RAB35: variants seen among roughly 807,000 people sequenced by gnomAD.
The protein encoded by RAB35 is RAB35, member RAS oncogene family.
RAB35 carries 4 observed loss-of-function variants against 28.9 expected under a neutral mutation model. The ratio of observed to expected loss-of-function variants is 0.14; its 90% CI spans 0.07 to 0.32. The LOEUF (loss-of-function observed/expected upper bound fraction) is 0.32, where lower values mean the gene tolerates loss of function less well. Among genes scored for constraint, RAB35 ranks in the 10% least tolerant of loss-of-function variants. The pLI is 1.00. For missense variants in RAB35, 128 were observed against 274.0 expected (o/e 0.47, Z 3.76); for synonymous variants, 99 against 105.1 (o/e 0.94, Z 0.35).
At chr12:120,105,711 CAG>C (rs1490435847) in intron 2 of RAB35, among the ~76,000 whole-genome samples, 1 of 151,958 alleles carries the variant, frequency 6.6e-6, no homozygotes, top group Non-Finnish European at 1.5e-5. Context: ...ATCACGAGGT[CAG>C]GAGATCAAGA....
intron 3 of RAB35, among the ~76,000 whole-genome samples, chr12:120,101,790 C>T (rs1875670349): frequency 6.6e-6 from 1 of 152,206 alleles, no homozygotes; most frequent in African/African-American, 2.4e-5. Flanking sequence ...CTTCCCAAGC[C>T]CCTGGGGAAA....
At chr12:120,109,282 C>T (rs1331942805) in intron 1 of RAB35, among the ~76,000 whole-genome samples, 4 of 152,004 alleles carry the variant, frequency 2.6e-5, no homozygotes, top group Admixed American at 6.6e-5. Context: ...GGAGAAACCC[C>T]GTCTCTACTA....
chr12:120,107,454 G>A (rs1473323715), intron 2 of RAB35, among the ~76,000 whole-genome samples: 1 of 152,200 alleles, frequency 6.6e-6, no homozygotes, highest in Non-Finnish European at 1.5e-5. Context: ...CCACCCTTCA[G>A]TGGGACTGGA....
Position 120,096,064 on chromosome 12 carries a change from C to A in RAB35, c.*1181G>T. 1 of 184,524 alleles carries A rather than the reference C, an allele frequency of 5.4e-6. No homozygotes were observed. Among genetic ancestry groups the A allele is most frequent in the South Asian group, 1.1e-4 (1 of 9,356 alleles). The allele number at this position is 184,524 out of a possible 1,614,324, so 11.4% of individuals were successfully genotyped here. On this transcript the variant is annotated 3_prime_UTR_variant, in exon 6 of 6. Transcript: ENST00000229340. Reference sequence around the variant, plus strand: ...ATTCCTTCCCACCCGCCAGGAAATCCTCTTGCTACCTTTGTCCTGACAAAG... The same window carrying A: ...ATTCCTTCCCACCCGCCAGGAAATCATCTTGCTACCTTTGTCCTGACAAAG...
At position 120,096,829 on chromosome 12, in the gene RAB35, C is replaced by T. The variant is rs1208338051; in HGVS notation, c.*416G>A. 1.5e-6 allele frequency: 2 copies of T among 1,294,762 alleles called. No individual in the cohort carries two copies. Among genetic ancestry groups the T allele is most frequent in the Admixed American group, 2.3e-5 (1 of 43,702 alleles). The allele number at this position is 1,294,762 out of a possible 1,614,324, so 80.2% of individuals were successfully genotyped here. ...CAGCTAGAACGTGCCGCTGTCTCCT[C>T]AGGACGCTGCTTGCAGTAAGATGGG... On this transcript the variant is annotated 3_prime_UTR_variant, in exon 6 of 6. Transcript: ENST00000229340.
intron 3 of RAB35, among the ~76,000 whole-genome samples, chr12:120,102,487 G>A (rs968415266): frequency 6.6e-6 from 1 of 152,150 alleles, no homozygotes; most frequent in African/African-American, 2.4e-5. Context: ...CACCACACCA[G>A]GGCGACCCCG....
intron 3 of RAB35, among the ~76,000 whole-genome samples, chr12:120,102,223 C>G (rs1199646871): frequency 1.3e-5 from 2 of 152,206 alleles, no homozygotes; most frequent in East Asian, 3.9e-4. Flanking sequence ...ACAGGTCTCT[C>G]TACCGGGATT....
At chr12:120,102,300 C>T (rs1425081065) in intron 3 of RAB35, among the ~76,000 whole-genome samples, 2 of 152,228 alleles carry the variant, frequency 1.3e-5, no homozygotes, top group Admixed American at 6.5e-5. Context: ...ATGAGGTCAG[C>T]GCCCAGACCA....
chr12:120,116,044 G>A (rs966576176), intron 1 of RAB35, among the ~76,000 whole-genome samples: 1 of 152,194 alleles, frequency 6.6e-6, no homozygotes, highest in East Asian at 1.9e-4. Context: ...GCAATCCCAT[G>A]AGGCAGGTTC....
chr12:120,101,228 A>C (rs1259453479), intron 3 of RAB35, among the ~76,000 whole-genome samples: 1 of 152,126 alleles, frequency 6.6e-6, no homozygotes, highest in African/African-American at 2.4e-5. Context: ...CTTGGTATCC[A>C]TTACCTTATT....
intron 3 of RAB35, chr12:120,099,382 G>A (rs1875570482): frequency 1.7e-6 from 1 of 598,526 alleles, no homozygotes; most frequent in African/African-American, 1.9e-5. Flanking sequence ...AACAGGGCGG[G>A]AGGGCCAGCC....
chr12:120,101,092 C>T (rs1433805089), intron 3 of RAB35, among the ~76,000 whole-genome samples: 1 of 152,228 alleles, frequency 6.6e-6, no homozygotes, highest in Non-Finnish European at 1.5e-5. Flanking sequence ...GAGAATTTGT[C>T]TGGGGATGAA....
intron 5 of RAB35, 39 bp from the exon 6 acceptor site, chr12:120,097,412 G>C: frequency 6.4e-7 from 1 of 1,561,230 alleles, no homozygotes; most frequent in Non-Finnish European, 8.7e-7. Flanking sequence ...CTCAGACCTG[G>C]CCAGGAGGCC....
In RAB35 at chr12:120,106,300, G is replaced by A. The variant is rs143862548; in HGVS notation, c.103+2117C>T. Among the ~76,000 whole-genome samples the A allele has an allele frequency of 7.2e-5, 11 of 152,246 alleles. No homozygotes were observed. The East Asian group carries it at 1.7e-3, about 24-fold the overall frequency. ...TTAAACAGAAGGTTAACAGCCAGTCGCAACAAATAGCTGGTATTTATTGAG... is the reference window on the plus strand; with the variant it reads ...TTAAACAGAAGGTTAACAGCCAGTCACAACAAATAGCTGGTATTTATTGAG... On this transcript the variant is annotated intron_variant, in intron 2 of 5. Transcript: ENST00000229340.
intron 3 of RAB35, among the ~76,000 whole-genome samples, chr12:120,101,749 C>T (rs1315586400): frequency 6.6e-6 from 1 of 152,196 alleles, no homozygotes; most frequent in Non-Finnish European, 1.5e-5. Context: ...GGGACGGCAG[C>T]AGGGGCCCAG....
At chr12:120,115,465 C>G (rs962428795) in intron 1 of RAB35, among the ~76,000 whole-genome samples, 1 of 152,176 alleles carries the variant, frequency 6.6e-6, no homozygotes, top group Admixed American at 6.5e-5. Context: ...AAGACTCTTT[C>G]ATGAACATCA....
chr12:120,104,216 G>A (rs1454109065), intron 2 of RAB35, among the ~76,000 whole-genome samples: 7 of 152,162 alleles, frequency 4.6e-5, no homozygotes, highest in African/African-American at 1.4e-4. Context: ...AAATAACACG[G>A]GATGGGACTG....
intron 3 of RAB35, among the ~76,000 whole-genome samples, chr12:120,102,323 A>C (rs1875693201): frequency 6.6e-6 from 1 of 152,222 alleles, no homozygotes; most frequent in Non-Finnish European, 1.5e-5. Context: ...CAACGGCATG[A>C]GGGCTTGCCT....
At position 120,104,061 on chromosome 12, in the gene RAB35, G is replaced by A. The variant is rs1594240560; in HGVS notation, c.104-112C>T. The A allele has an allele frequency of 2.8e-6, 4 of 1,421,232 alleles. No individual in the cohort carries two copies. In the East Asian group the frequency reaches 7.4e-5, roughly 26 times the overall value. The allele number at this position is 1,421,232 out of a possible 1,614,324, so 88.0% of individuals were successfully genotyped here. On this transcript the variant is annotated intron_variant, in intron 2 of 5. Transcript: ENST00000229340. ...CCCCCACCCTCCCGACTCATTACATGTGCCTGGTACATTCTAGGTCCCAGG... is the reference window on the plus strand; with the variant it reads ...CCCCCACCCTCCCGACTCATTACATATGCCTGGTACATTCTAGGTCCCAGG...
Sources: gnomAD v4.1 joint callset for allele counts (sites outside exome capture counted in the v4.1 genomes callset) on GRCh38, gnomAD v4.1.1 for gene constraint, MANE v1.5 for transcripts, NCBI Gene and HGNC (gene_info 2026-07-23, HGNC 2026-07-21) for gene names.